The following NARF variants were observed in gnomAD, a reference collection of about 807,000 sequenced individuals.
The protein encoded by NARF is nuclear prelamin A recognition factor.
In NARF, 41 loss-of-function variants were observed where a neutral mutation model predicts 48.0. The observed-to-expected ratio is 0.85, with a 90% CI of 0.66 to 1.11. The LOEUF (loss-of-function observed/expected upper bound fraction) is 1.11. NARF is among the 50% of genes least tolerant of loss of function. The pLI is 0.00. For missense variants in NARF, 613 were observed against 590.2 expected (o/e 1.04, Z -0.40); for synonymous variants, 215 against 225.5 (o/e 0.95, Z 0.42).
chr17:82,468,977 A>G (rs1258376593), intron 4 of NARF, 81 bp downstream of exon 4: 1 of 1,525,656 alleles, frequency 6.6e-7, no homozygotes, highest in African/African-American at 1.4e-5. Flanking sequence ...TCGTTTTTCA[A>G]GGACGCAGGG....
At chr17:82,458,485 C>A (rs1026229536), upstream of NARF, 103 of 334,782 alleles carry the variant, frequency 3.1e-4, no homozygotes, top group South Asian at 2.5e-3. Context: ...GAAACCGGCG[C>A]AAGGACCCGG....
intron 8 of NARF, chr17:82,484,574 C>G (rs970286112): frequency 5.0e-6 from 2 of 402,720 alleles, no homozygotes; most frequent in African/African-American, 4.1e-5. Flanking sequence ...CCTGCAAGAG[C>G]CTGTGCATGG....
intron 2 of NARF, 68 bp from the exon 3 acceptor site, chr17:82,464,219 A>G: frequency 6.4e-7 from 1 of 1,560,144 alleles, no homozygotes; most frequent in Non-Finnish European, 8.7e-7. Flanking sequence ...TATGGGTGTT[A>G]CCCTCTCTAA....
chr17:82,476,329 A>T (rs1490820551), intron 5 of NARF, among the ~76,000 whole-genome samples: 1 of 151,374 alleles, frequency 6.6e-6, no homozygotes, highest in African/African-American at 2.4e-5. Flanking sequence ...TTTAGTAGAG[A>T]CGGGGTTGCA....
intron 7 of NARF, among the ~76,000 whole-genome samples, chr17:82,481,637 G>GGA (rs1426927171): frequency 1.3e-5 from 2 of 152,094 alleles, no homozygotes; most frequent in African/African-American, 4.8e-5. Context: ...GGCTGAGGCA[G>GGA]GAGAATCGCT....
chr17:82,464,408 TC>T lies in NARF; in HGVS notation c.232del (p.Arg78AlafsTer3). ...QLSQQNAKDF[F>X]RVLNLNKKCD... is the part of the protein sequence containing the mutation. Reference sequence around the variant, plus strand: ...TCCCAGCAAAATGCCAAGGACTTCTTCCGCGTTCTGAACCTTAACAAGGTAA... The same window carrying T: ...TCCCAGCAAAATGCCAAGGACTTCTTCGCGTTCTGAACCTTAACAAGGTAA... On this transcript the variant is annotated frameshift_variant, in exon 3 of 11. Coordinates refer to ENST00000309794, the MANE Select transcript of NARF (RefSeq NM_012336.4). LOFTEE classifies it high-confidence loss of function. The T allele has an allele frequency of 6.2e-7, 1 of 1,613,854 alleles. No homozygotes were observed. Among genetic ancestry groups the T allele is most frequent in the South Asian group, 1.1e-5 (1 of 91,058 alleles).
intron 3 of NARF, among the ~76,000 whole-genome samples, chr17:82,464,689 C>T (rs992378698): frequency 3.9e-5 from 6 of 152,214 alleles, no homozygotes; most frequent in East Asian, 1.9e-4. Flanking sequence ...GTGGCTTAAG[C>T]GGGGCCTCTG....
intron 1 of NARF, chr17:82,459,257 T>G: frequency 1.1e-6 from 1 of 912,348 alleles, no homozygotes; most frequent in Non-Finnish European, 1.3e-6. Flanking sequence ...GACCGGCGCC[T>G]TCCGCGGTTG....
Position 82,472,570 on chromosome 17 carries a change from A to C in NARF, c.392A>C (p.His131Pro), listed in dbSNP as rs772725025. The C allele has an allele frequency of 3.1e-6, 5 of 1,612,330 alleles. No homozygotes were observed. In the African/African-American group the frequency reaches 4.0e-5, roughly 13 times the overall value. ...ATGCTCCTCTCTCCTGCAGGGGTGC[A>C]CTATGTATTTGATACGACGATAGCT... ...LCGFLKSLGV[H>P]YVFDTTIAAD... Residue 131 changes from histidine to proline, a missense_variant, in exon 5 of 11, where the codon CAC (histidine) becomes CCC (proline). His to Pro is a moderately conservative substitution (Grantham distance 77, BLOSUM62 -2). Transcript: ENST00000309794.
At chr17:82,483,819 A>G (rs1031925101) in intron 8 of NARF, 40 bp downstream of exon 8, 1 of 1,592,394 alleles carries the variant, frequency 6.3e-7, no homozygotes, top group Non-Finnish European at 8.6e-7. Context: ...GGGGGGCAGG[A>G]CCTCTCGTCA....
At position 82,464,534 on chromosome 17, in the gene NARF, A is replaced by G. The variant is rs1038366927; in HGVS notation, c.252+104A>G. ...AAGCCTCTGCTGGGACATCGGATGC[A>G]CATCTCAGCCTTTTCCTGGTGTTGC... is the stretch of plus-strand genomic sequence containing the variant. On this transcript the variant is annotated intron_variant, in intron 3 of 10. Coordinates refer to ENST00000309794, the MANE Select transcript of NARF (RefSeq NM_012336.4). 5 of 1,388,086 alleles carry G rather than the reference A, an allele frequency of 3.6e-6. No individual in the cohort carries two copies. In the African/African-American group the frequency reaches 5.8e-5, roughly 16 times the overall value. The allele number at this position is 1,388,086 out of a possible 1,614,324, so 86.0% of individuals were successfully genotyped here. A position where few individuals can be genotyped will look rare whatever the true frequency, so the allele number is the denominator to read the frequency against.
intron 3 of NARF, 136 bp downstream of exon 3, chr17:82,464,566 C>A: frequency 9.1e-7 from 1 of 1,098,494 alleles, no homozygotes. Context: ...TTGCTAACAT[C>A]CTGCTTTGAC....
intron 3 of NARF, among the ~76,000 whole-genome samples, chr17:82,468,186 C>G (rs1047897756): frequency 6.6e-6 from 1 of 152,068 alleles, no homozygotes; most frequent in Non-Finnish European, 1.5e-5. Flanking sequence ...TGGCAGGTCC[C>G]TATAATCCCA....
At chr17:82,475,327 G>A (rs1465732503) in intron 5 of NARF, among the ~76,000 whole-genome samples, 6 of 152,186 alleles carry the variant, frequency 3.9e-5, no homozygotes, top group African/African-American at 9.7e-5. Context: ...TAGGCCGGGC[G>A]CAGTGGCTCA....
Position 82,488,090 on chromosome 17 carries a change from G to A in NARF, c.1304G>A (p.Arg435Gln), listed in dbSNP as rs767979444. 1.9e-5 allele frequency: 31 copies of A among 1,613,898 alleles called. No individual in the cohort carries two copies. Among genetic ancestry groups the A allele is most frequent in the Non-Finnish European group, 2.5e-5 (29 of 1,180,034 alleles). ...WLEGINSPKA[R>Q]EVLHTTYQSQ... ...GAGGGGATCAACTCCCCCAAGGCCCGAGAGGTGCTGCATACCACGTACCAG... is the reference window on the plus strand; with the variant it reads ...GAGGGGATCAACTCCCCCAAGGCCCAAGAGGTGCTGCATACCACGTACCAG... The change falls in exon 11 of 11, where the codon CGA (arginine) becomes CAA (glutamine). Residue 435 changes from arginine to glutamine, a missense_variant. Physicochemically the swap from Arg to Gln is conservative, Grantham distance 43. Transcript: ENST00000309794.
chr17:82,465,186 C>G (rs2043535272), intron 3 of NARF, among the ~76,000 whole-genome samples: 1 of 152,132 alleles, frequency 6.6e-6, no homozygotes, highest in Non-Finnish European at 1.5e-5. Context: ...CTTGTGAGGA[C>G]TCACTCACTA....
At chr17:82,468,307 GTTTTT>G (rs1031079085) in intron 3 of NARF, among the ~76,000 whole-genome samples, 174 of 131,746 alleles carry the variant, frequency 1.3e-3, no homozygotes, top group African/African-American at 4.1e-3. Flanking sequence ...GTGAAACTCT[GTTTTT>G]TTTTTTTTTT....
chr17:82,485,095 C>G, intron 9 of NARF, 145 bp downstream of exon 9: 1 of 1,122,240 alleles, frequency 8.9e-7, no homozygotes, highest in Non-Finnish European at 1.2e-6. Context: ...TTATTCAGAC[C>G]TTTTATTTTG....
At position 82,468,771 on chromosome 17, in the gene NARF, A is replaced by T; in HGVS notation, c.260A>T (p.Asp87Val). The T allele has an allele frequency of 1.9e-6, 3 of 1,613,550 alleles. No individual in the cohort carries two copies. Among genetic ancestry groups the T allele is most frequent in the Non-Finnish European group, 2.5e-6 (3 of 1,179,860 alleles). The change falls in exon 4 of 11, where the codon GAT (aspartate) becomes GTT (valine). Residue 87 changes from aspartate (D) to valine (V), a missense_variant. Asp to Val is a radical substitution (Grantham distance 152). Coordinates refer to ENST00000309794, the MANE Select transcript of NARF (RefSeq NM_012336.4). ...CTCTATTTCTCCTTCTAGAAATGTGATACCTCAAAGCACAAAGTGCTGGTA... is the reference window on the plus strand; with the variant it reads ...CTCTATTTCTCCTTCTAGAAATGTGTTACCTCAAAGCACAAAGTGCTGGTA... Reference protein sequence around the residue: ...FRVLNLNKKCDTSKHKVLVVS... With the variant: ...FRVLNLNKKCVTSKHKVLVVS...
Sources: allele counts gnomAD v4.1 joint callset (sites outside exome capture counted in the v4.1 genomes callset), GRCh38; gene constraint gnomAD v4.1.1; transcripts MANE v1.5; gene names NCBI Gene and HGNC (gene_info 2026-07-23, HGNC 2026-07-21).